Variants in NLGN1 observed in about 807,000 individuals in gnomAD.
The protein encoded by NLGN1 is neuroligin-1.
A neutral mutation model predicts 65.5 loss-of-function variants in NLGN1; 12 were observed. The observed-to-expected ratio is 0.18, with a 90% CI of 0.12 to 0.30. The LOEUF is 0.30. Ranked by LOEUF, NLGN1 falls within the 10% of genes least tolerant of loss-of-function variation. NLGN1 has a pLI of 1.00. For missense variants in NLGN1, 750 were observed against 1,007.1 expected (o/e 0.74, Z 3.46); for synonymous variants, 350 against 359.5 (o/e 0.97, Z 0.30).
At chr3:173,808,556 T>C (rs567810786) in intron 4 of NLGN1, among the ~76,000 whole-genome samples, 33 of 152,284 alleles carry the variant, frequency 2.2e-4, no homozygotes, top group South Asian at 8.3e-4. Context: ...CTTGCTATTC[T>C]AGCATATATT....
At chr3:173,513,625 A>C (rs1733338460) in intron 2 of NLGN1, among the ~76,000 whole-genome samples, 1 of 152,182 alleles carries the variant, frequency 6.6e-6, no homozygotes, top group African/African-American at 2.4e-5. Context: ...ACAGATACCA[A>C]AGTAGAAACC....
At chr3:174,228,842 G>C (rs185815055) in intron 4 of NLGN1, among the ~76,000 whole-genome samples, 1 of 151,950 alleles carries the variant, frequency 6.6e-6, no homozygotes, top group Non-Finnish European at 1.5e-5. Context: ...TACAAATATT[G>C]ATCATGTAAG....
At chr3:173,574,140 A>G (rs1424260655) in intron 2 of NLGN1, among the ~76,000 whole-genome samples, 1 of 151,580 alleles carries the variant, frequency 6.6e-6, no homozygotes, top group East Asian at 1.9e-4. Flanking sequence ...TTTAAAATAT[A>G]TGCAGTCATA....
exon 7 of NLGN1, chr3:174,281,003 T>A (rs753483243): frequency 6.2e-7 from 1 of 1,613,318 alleles, no homozygotes; most frequent in Non-Finnish European, 8.5e-7. Flanking sequence ...ATCTAACCCA[T>A]GCACAAGAAG....
chr3:174,173,800 G>A lies in NLGN1; in HGVS notation c.647-101515G>A, dbSNP rs140299722. On this transcript the variant is annotated intron_variant, in intron 4 of 6. Coordinates refer to ENST00000457714, the Ensembl canonical transcript of NLGN1. ...TTCCAAAGAAAATCTACATTTTTAT[G>A]TTCTTTTATCTAATTTCTTTCTTTC... Among the ~76,000 whole-genome samples the A allele has an allele frequency of 2.4e-4, 36 of 151,922 alleles. No homozygotes were observed. In the East Asian group the frequency reaches 6.0e-3, roughly 25 times the overall value.
chr3:174,096,976 CAT>C (rs1311761796), intron 4 of NLGN1, among the ~76,000 whole-genome samples: 7 of 151,744 alleles, frequency 4.6e-5, no homozygotes, highest in African/African-American at 1.5e-4. Flanking sequence ...TGTGTGTAAT[CAT>C]GTGTGTCTAT....
chr3:173,674,434 A>C (rs1245178643), intron 3 of NLGN1, among the ~76,000 whole-genome samples: 2 of 151,506 alleles, frequency 1.3e-5, no homozygotes, highest in Admixed American at 1.3e-4. Flanking sequence ...AGCTTGTCCA[A>C]AAAAAAAATT....
At chr3:173,458,049 A>G (rs1444552118) in intron 2 of NLGN1, among the ~76,000 whole-genome samples, 1 of 152,002 alleles carries the variant, frequency 6.6e-6, no homozygotes, top group Non-Finnish European at 1.5e-5. Flanking sequence ...CCTGAGATAT[A>G]CATTTGGATG....
At chr3:174,268,768 ACTGT>A (rs1748768321) in intron 4 of NLGN1, among the ~76,000 whole-genome samples, 1 of 151,978 alleles carries the variant, frequency 6.6e-6, no homozygotes, top group African/African-American at 2.4e-5. Context: ...CTTCTTTCCC[ACTGT>A]ACTCCCCCGT....
intron 4 of NLGN1, among the ~76,000 whole-genome samples, chr3:174,041,453 A>G (rs1732293349): frequency 6.6e-6 from 1 of 152,196 alleles, no homozygotes; most frequent in Non-Finnish European, 1.5e-5. Flanking sequence ...GTGTTATTGT[A>G]CAAATATTTT....
At chr3:173,756,372 C>T (rs550080892) in intron 3 of NLGN1, among the ~76,000 whole-genome samples, 2 of 151,794 alleles carry the variant, frequency 1.3e-5, no homozygotes, top group East Asian at 1.9e-4. Flanking sequence ...GTCATGGATT[C>T]ATTAGTTAAT....
chr3:173,932,147 A>T (rs1445381476), intron 4 of NLGN1, among the ~76,000 whole-genome samples: 1 of 152,034 alleles, frequency 6.6e-6, no homozygotes, highest in Non-Finnish European at 1.5e-5. Context: ...CTAGGTGAGC[A>T]TGTGGGTACA....
intron 3 of NLGN1, among the ~76,000 whole-genome samples, chr3:173,661,040 G>A (rs1577805427): frequency 6.6e-6 from 1 of 152,090 alleles, no homozygotes; most frequent in South Asian, 2.1e-4. Flanking sequence ...TGAATGAGTA[G>A]TGTCCAGTGA....
intron 4 of NLGN1, among the ~76,000 whole-genome samples, chr3:173,812,814 A>T (rs888488515): frequency 6.8e-6 from 1 of 146,926 alleles, no homozygotes; most frequent in Admixed American, 6.8e-5. Context: ...TATATATATA[A>T]AACTTTGGTG....
At chr3:173,486,475 G>T (rs573553) in intron 2 of NLGN1, among the ~76,000 whole-genome samples, 15,596 of 152,162 alleles carry the variant, frequency 0.1, 910 homozygotes, top group Admixed American at 0.18. Context: ...GAAATTATCA[G>T]TCTAGGGATT....
intron 2 of NLGN1, among the ~76,000 whole-genome samples, chr3:173,519,585 A>G (rs1221028687): frequency 6.6e-6 from 1 of 152,090 alleles, no homozygotes; most frequent in African/African-American, 2.4e-5. Flanking sequence ...ATATTTAATG[A>G]CTGTCCTGCT....
chr3:173,692,531 T>C (rs1398087028), intron 3 of NLGN1, among the ~76,000 whole-genome samples: 1 of 152,102 alleles, frequency 6.6e-6, no homozygotes, highest in Non-Finnish European at 1.5e-5. Context: ...ACTACATTTT[T>C]CTAAAGTACA....
At chr3:173,747,380 A>G (rs929549070) in intron 3 of NLGN1, among the ~76,000 whole-genome samples, 3 of 146,444 alleles carry the variant, frequency 2.0e-5, no homozygotes, top group Non-Finnish European at 4.5e-5. Flanking sequence ...ATATATACTT[A>G]AAGATATATA....
intron 4 of NLGN1, among the ~76,000 whole-genome samples, chr3:174,197,536 AAGGAGAAT>A (rs1733679662): frequency 6.6e-6 from 1 of 151,236 alleles, no homozygotes; most frequent in Admixed American, 6.6e-5. Context: ...AAAAAAAAAA[AAGGAGAAT>A]CCAGTTAGCC....
Sources: gnomAD v4.1 joint callset for allele counts (sites outside exome capture counted in the v4.1 genomes callset) on GRCh38, gnomAD v4.1.1 for gene constraint, MANE v1.5 for transcripts, NCBI Gene and HGNC (gene_info 2026-07-23, HGNC 2026-07-21) for gene names.